GPM6A: variants seen among roughly 807,000 people sequenced by gnomAD.
GPM6A encodes neuronal membrane glycoprotein M6-a.
GPM6A carries 7 observed loss-of-function variants against 32.1 expected under a neutral mutation model. That is an observed-to-expected ratio of 0.22 (90% CI 0.12 to 0.41). The LOEUF (loss-of-function observed/expected upper bound fraction) is 0.41, where lower values mean the gene tolerates loss of function less well. Ranked by LOEUF, GPM6A falls within the 10% of genes least tolerant of loss-of-function variation. The probability of loss-of-function intolerance (pLI) is 1.00; values close to 1 mark genes in which losing one functional copy is unlikely to be tolerated. For missense variants in GPM6A, 235 were observed against 347.2 expected, an observed-to-expected ratio of 0.68 and a Z score of 2.57; for synonymous variants, 130 against 123.4, an observed-to-expected ratio of 1.05 and a Z score of -0.35.
At chr4:175,812,273 G>A, upstream of GPM6A, 2 of 1,136,824 alleles carry the variant, frequency 1.8e-6, no homozygotes, top group Non-Finnish European at 2.3e-6. Flanking sequence ...TTAATCAAAA[G>A]CTCAATTAGA....
At chr4:175,641,724 C>CT (rs1375030650) in intron 4 of GPM6A, 1 of 152,236 alleles carries the variant, frequency 6.6e-6, no homozygotes, top group Non-Finnish European at 1.5e-5. Flanking sequence ...GAGTCTCACT[C>CT]TGTCACCCAG....
At chr4:175,715,247 T>C (rs769607815) in intron 1 of GPM6A, among the ~76,000 whole-genome samples, 3 of 152,238 alleles carry the variant, frequency 2.0e-5, no homozygotes, top group Non-Finnish European at 4.4e-5. Context: ...TATTGCTGCC[T>C]CACAAGCCAT....
intron 1 of GPM6A, among the ~76,000 whole-genome samples, chr4:175,724,439 G>A (rs1027144512): frequency 1.3e-5 from 2 of 152,156 alleles, no homozygotes; most frequent in Admixed American, 6.5e-5. Context: ...AGCTACTCGG[G>A]AGGCTAAGGT....
intron 1 of GPM6A, among the ~76,000 whole-genome samples, chr4:175,912,794 C>T (rs1335331035): frequency 6.6e-6 from 1 of 152,156 alleles, no homozygotes; most frequent in Non-Finnish European, 1.5e-5. Flanking sequence ...ACTGCACCTA[C>T]ACCCTAGAAT....
intron 1 of GPM6A, among the ~76,000 whole-genome samples, chr4:175,722,459 A>G (rs571775692): frequency 6.6e-6 from 1 of 152,242 alleles, no homozygotes; most frequent in Admixed American, 6.5e-5. Flanking sequence ...TGCAATCTTA[A>G]GCTCCCGCAG....
At chr4:175,745,297 C>T (rs931672449) in intron 1 of GPM6A, among the ~76,000 whole-genome samples, 3 of 152,156 alleles carry the variant, frequency 2.0e-5, no homozygotes, top group African/African-American at 7.2e-5. Flanking sequence ...TCAGCAGTAG[C>T]TTAACAAATT....
intron 3 of GPM6A, among the ~76,000 whole-genome samples, chr4:175,667,670 C>G (rs952927019): frequency 6.6e-6 from 1 of 151,876 alleles, no homozygotes; most frequent in Non-Finnish European, 1.5e-5. Flanking sequence ...GGAACTGTAC[C>G]GTCTTTACCT....
chr4:175,896,165 T>G (rs1737788685), intron 1 of GPM6A, among the ~76,000 whole-genome samples: 1 of 152,164 alleles, frequency 6.6e-6, no homozygotes. Context: ...TTTTATCTTT[T>G]GGGGAAGCTT....
intron 4 of GPM6A, among the ~76,000 whole-genome samples, chr4:175,648,843 G>A (rs1226676933): frequency 6.6e-6 from 1 of 151,956 alleles, no homozygotes; most frequent in African/African-American, 2.4e-5. Context: ...GATTACACTG[G>A]GCCCATCTGG....
intron 4 of GPM6A, among the ~76,000 whole-genome samples, chr4:175,647,461 G>A (rs934010542): frequency 6.6e-6 from 1 of 152,118 alleles, no homozygotes; most frequent in Non-Finnish European, 1.5e-5. Flanking sequence ...ATCCTAATAT[G>A]ATATGCTATC....
chr4:175,750,547 T>C (rs577520578), intron 1 of GPM6A, among the ~76,000 whole-genome samples: 2 of 152,136 alleles, frequency 1.3e-5, no homozygotes, highest in East Asian at 3.9e-4. Flanking sequence ...GTATGTATAT[T>C]AAGAGTTAAG....
intron 1 of GPM6A, among the ~76,000 whole-genome samples, chr4:175,793,364 C>CTATT (rs5864347): frequency 1.5e-4 from 22 of 149,726 alleles, no homozygotes; most frequent in East Asian, 4.0e-4. Flanking sequence ...CTATTCTATT[C>CTATT]TATTTATTTA....
At chr4:175,872,266 G>A (rs529171518) in intron 1 of GPM6A, among the ~76,000 whole-genome samples, 10 of 152,204 alleles carry the variant, frequency 6.6e-5, no homozygotes, top group Middle Eastern at 3.4e-3. Context: ...ACTCTGCACC[G>A]TGGTGTCACC....
At chr4:175,713,599 A>T (rs573478396) in intron 1 of GPM6A, among the ~76,000 whole-genome samples, 1 of 152,344 alleles carries the variant, frequency 6.6e-6, no homozygotes, top group South Asian at 2.1e-4. Flanking sequence ...TAAAAAGAGC[A>T]CAAAGTCAAA....
intron 1 of GPM6A, among the ~76,000 whole-genome samples, chr4:175,891,938 A>T (rs1579602982): frequency 6.6e-6 from 1 of 152,220 alleles, no homozygotes; most frequent in East Asian, 1.9e-4. Flanking sequence ...ATTGCCAGGA[A>T]CAGAGATCAA....
chr4:175,729,763 T>G (rs1731332783), intron 1 of GPM6A, among the ~76,000 whole-genome samples: 1 of 143,144 alleles, frequency 7.0e-6, no homozygotes, highest in East Asian at 2.1e-4. Context: ...ATAGTATATA[T>G]TATCTATTAT....
intron 1 of GPM6A, among the ~76,000 whole-genome samples, chr4:175,894,312 A>T (rs536226046): frequency 2.0e-5 from 3 of 152,320 alleles, no homozygotes; most frequent in Admixed American, 6.5e-5. Flanking sequence ...TCCAAGTGGG[A>T]AATCATCTAT....
At chr4:175,992,536 T>C (rs892657806) in intron 1 of GPM6A, among the ~76,000 whole-genome samples, 1 of 152,190 alleles carries the variant, frequency 6.6e-6, no homozygotes, top group African/African-American at 2.4e-5. Flanking sequence ...GACTAGTTTA[T>C]AGGCATCTAG....
intron 1 of GPM6A, among the ~76,000 whole-genome samples, chr4:175,831,983 T>C (rs1398855451): frequency 6.6e-6 from 1 of 151,978 alleles, no homozygotes; most frequent in Non-Finnish European, 1.5e-5. Flanking sequence ...CTTGCCAAAG[T>C]GCTGGGCTGA....
Sources: gnomAD v4.1 joint callset for allele counts (sites outside exome capture counted in the v4.1 genomes callset) on GRCh38, gnomAD v4.1.1 for gene constraint, MANE v1.5 for transcripts, NCBI Gene and HGNC (gene_info 2026-07-23, HGNC 2026-07-21) for gene names.